PEX14: variants seen among roughly 807,000 people sequenced by gnomAD.
PEX14 encodes the protein peroxisomal biogenesis factor 14, also known as peroxisomal membrane protein PEX14.
PEX14 carries 15 observed loss-of-function variants against 49.5 expected under a neutral mutation model. The ratio of observed to expected loss-of-function variants is 0.30; its 90% CI spans 0.20 to 0.47. The LOEUF (loss-of-function observed/expected upper bound fraction) is 0.47, where lower values mean the gene tolerates loss of function less well. Among genes scored for constraint, PEX14 ranks in the 20% least tolerant of loss-of-function variants. The pLI is 1.00. For synonymous variants in PEX14, 210 were observed against 212.7 expected, an observed-to-expected ratio of 0.99 and a Z score of 0.11; for missense variants, 398 against 494.8, an observed-to-expected ratio of 0.80 and a Z score of 1.86.
At chr1:10,608,505 T>C (rs968653753) in intron 4 of PEX14, among the ~76,000 whole-genome samples, 1 of 151,846 alleles carries the variant, frequency 6.6e-6, no homozygotes, top group African/African-American at 2.4e-5. Context: ...CTACTAAAAG[T>C]ACAAAAATTA....
chr1:10,577,524 C>CTA (rs1557854620), intron 3 of PEX14, among the ~76,000 whole-genome samples: 4 of 44,346 alleles, frequency 9.0e-5, no homozygotes, highest in African/African-American at 3.3e-4. Context: ...ATTTTGGACA[C>CTA]TATACATATA....
intron 4 of PEX14, among the ~76,000 whole-genome samples, chr1:10,615,611 G>GCA (rs1641391296): frequency 1.3e-5 from 2 of 152,230 alleles, no homozygotes; most frequent in Non-Finnish European, 2.9e-5. Context: ...AACTGCAAAT[G>GCA]CACACGCCCT....
intron 3 of PEX14, among the ~76,000 whole-genome samples, chr1:10,548,619 C>T (rs1011089017): frequency 3.3e-5 from 5 of 152,024 alleles, no homozygotes; most frequent in East Asian, 1.9e-4. Flanking sequence ...TGTATGAATA[C>T]GGAGTATTCT....
intron 3 of PEX14, among the ~76,000 whole-genome samples, chr1:10,580,160 T>G (rs1367200467): frequency 6.6e-6 from 1 of 152,152 alleles, no homozygotes; most frequent in Non-Finnish European, 1.5e-5. Flanking sequence ...TACTCATATA[T>G]TTATATGTAA....
rs185516071 is a variant in PEX14 at position 10,604,196 on chromosome 1, G to T, written c.298+4830G>T. Among the ~76,000 whole-genome samples the T allele has an allele frequency of 2.4e-4, 36 of 152,322 alleles. No individual in the cohort carries two copies. In the East Asian group the frequency reaches 2.5e-3, roughly 11 times the overall value. ...TCCCGGTGAGGACGGTGGCACAGAAGAGGCGACGGGAAGCTTCAGAGAGCA... is the reference window on the plus strand; with the variant it reads ...TCCCGGTGAGGACGGTGGCACAGAATAGGCGACGGGAAGCTTCAGAGAGCA... On this transcript the variant is annotated intron_variant, in intron 4 of 8. Coordinates refer to ENST00000356607, the MANE Select transcript of PEX14 (RefSeq NM_004565.3).
intron 1 of PEX14, among the ~76,000 whole-genome samples, chr1:10,477,622 T>C (rs1178089713): frequency 6.6e-6 from 1 of 152,190 alleles, no homozygotes; most frequent in Non-Finnish European, 1.5e-5. Flanking sequence ...AGTTTGTTGG[T>C]TAGCCTTGTC....
At chr1:10,575,652 T>C (rs773289625) in intron 3 of PEX14, among the ~76,000 whole-genome samples, 1 of 152,244 alleles carries the variant, frequency 6.6e-6, no homozygotes, top group Non-Finnish European at 1.5e-5. Context: ...TCATCTACTT[T>C]GTTTGGATTT....
chr1:10,545,802 G>A (rs899983449), intron 3 of PEX14, among the ~76,000 whole-genome samples: 1 of 152,210 alleles, frequency 6.6e-6, no homozygotes, highest in Non-Finnish European at 1.5e-5. Context: ...CCAACACTTT[G>A]GGAGACTGAG....
intron 2 of PEX14, among the ~76,000 whole-genome samples, chr1:10,499,760 T>G (rs1641638296): frequency 6.6e-6 from 1 of 152,156 alleles, no homozygotes; most frequent in Non-Finnish European, 1.5e-5. Context: ...AACTACAATT[T>G]TTTCTGTAAC....
Position 10,630,202 on chromosome 1 carries a change from C to G in PEX14, c.*215C>G. 2.8e-6 allele frequency: 2 copies of G among 727,212 alleles called. No homozygotes were observed. The highest frequency in any genetic ancestry group is 4.4e-6 in the Non-Finnish European group (2 of 454,206). The allele number at this position is 727,212 out of a possible 1,614,324, so 45.0% of individuals were successfully genotyped here. ...CTGGCCGCCAGCCCCAGCCCCAGCC[C>G]CAGCCCCAGGCCCAGCTGCCTTTGG... On this transcript the variant is annotated 3_prime_UTR_variant, in exon 9 of 9. Transcript: ENST00000356607. The surrounding 1 kb of genome is among the most constrained non-coding windows in gnomAD (Gnocchi z 4.1).
rs77228766 is a variant in PEX14 at position 10,524,753 on chromosome 1, G to T, written c.85-11460G>T. ...CTGTCACCCAGGCTAGAGTGAAGCAGTACAATCATAGCTCAGTGTAACCTC... is the reference window on the plus strand; with the variant it reads ...CTGTCACCCAGGCTAGAGTGAAGCATTACAATCATAGCTCAGTGTAACCTC... On this transcript the variant is annotated intron_variant, in intron 2 of 8. Transcript: ENST00000356607. Among the ~76,000 whole-genome samples, 53 of 152,312 alleles carry T rather than the reference G, an allele frequency of 3.5e-4. No homozygotes were observed. The East Asian group carries it at 6.9e-3, about 20-fold the overall frequency.
Position 10,495,364 on chromosome 1 carries a change from A to T in PEX14, c.84+43A>T, listed in dbSNP as rs763097104. 8 of 1,502,678 alleles carry T rather than the reference A, an allele frequency of 5.3e-6. No individual in the cohort carries two copies. The highest frequency in any genetic ancestry group is 1.4e-5 in the African/African-American group (1 of 72,822). The allele number at this position is 1,502,678 out of a possible 1,614,324, so 93.1% of individuals were successfully genotyped here. A position where few individuals can be genotyped will look rare whatever the true frequency, so the allele number is the denominator to read the frequency against. ...GTGGTATCACTTTCTAGTAATTAAAATGCCACGCGAGTGAAAAGAAACCTT... is the reference window on the plus strand; with the variant it reads ...GTGGTATCACTTTCTAGTAATTAAATTGCCACGCGAGTGAAAAGAAACCTT... On this transcript the variant is annotated intron_variant, in intron 2 of 8. Transcript: ENST00000356607. The surrounding 1 kb of genome is among the most constrained non-coding windows in gnomAD (Gnocchi z 4.2).
chr1:10,478,295 G>A (rs1641230147), intron 1 of PEX14, among the ~76,000 whole-genome samples: 1 of 152,080 alleles, frequency 6.6e-6, no homozygotes. Context: ...ACTCACAAAT[G>A]GATCTAAACC....
At position 10,597,591 on chromosome 1, in the gene PEX14, G is replaced by A. The variant is rs780412975; in HGVS notation, c.170-1647G>A. Among the ~76,000 whole-genome samples, 5 of 152,208 alleles carry A rather than the reference G, an allele frequency of 3.3e-5. No homozygotes were observed. Among genetic ancestry groups the A allele is most frequent in the Non-Finnish European group, 5.9e-5 (4 of 68,038 alleles). The stretch of plus-strand genomic sequence containing the variant: ...TGACCTTCAGCTTTTGTCTTTGGAA[G>A]GTGGTACGTGATGCGCTGTGAACCC... On this transcript the variant is annotated intron_variant, in intron 3 of 8. Coordinates refer to ENST00000356607, the MANE Select transcript of PEX14 (RefSeq NM_004565.3). The surrounding 1 kb of genome is among the most constrained non-coding windows in gnomAD (Gnocchi z 5.7).
intron 3 of PEX14, among the ~76,000 whole-genome samples, chr1:10,537,724 T>C (rs911984777): frequency 2.1e-4 from 32 of 152,166 alleles, no homozygotes; most frequent in African/African-American, 7.5e-4. Context: ...TTTAGAGCAA[T>C]TTAGAGACAA....
chr1:10,556,855 T>A (rs1036992295), intron 3 of PEX14, among the ~76,000 whole-genome samples: 6 of 152,068 alleles, frequency 3.9e-5, no homozygotes, highest in African/African-American at 1.2e-4. Context: ...CACTGGTGAT[T>A]TTTATCCCCA....
intron 1 of PEX14, among the ~76,000 whole-genome samples, chr1:10,478,845 G>A (rs145023046): frequency 5.3e-5 from 8 of 151,448 alleles, no homozygotes; most frequent in African/African-American, 1.7e-4. Flanking sequence ...TCTCGGGTTC[G>A]AACCATTCTC....
intron 3 of PEX14, among the ~76,000 whole-genome samples, chr1:10,559,391 G>A (rs1377279696): frequency 6.6e-6 from 1 of 152,094 alleles, no homozygotes; most frequent in Non-Finnish European, 1.5e-5. Context: ...GCCAAAAATG[G>A]CTTGACATGC....
intron 2 of PEX14, among the ~76,000 whole-genome samples, chr1:10,516,659 C>A (rs1409511208): frequency 2.0e-5 from 3 of 152,242 alleles, no homozygotes; most frequent in Non-Finnish European, 4.4e-5. Flanking sequence ...TGGGTACAAA[C>A]CAGCTTCTAG....
Sources: gnomAD v4.1 joint callset for allele counts (sites outside exome capture counted in the v4.1 genomes callset) on GRCh38, gnomAD v4.1.1 for gene constraint, Gnocchi (gnomAD v3.1) non-coding constraint, MANE v1.5 for transcripts, NCBI Gene and HGNC (gene_info 2026-07-23, HGNC 2026-07-21) for gene names.